Variants in AKR1C8 observed in about 807,000 individuals in gnomAD.
AKR1C8 encodes the protein aldo-keto reductase family 1 member C-like protein 1.
chr10:5,160,003 G>A, the AKR1C8 span: 5 of 456,690 alleles, frequency 1.1e-5, no homozygotes, highest in African/African-American at 2.0e-5. Context: ...ACTTCTCCAG[G>A]GCCTGGGGAG....
chr10:5,122,983 C>T, the AKR1C8 span, among the ~76,000 whole-genome samples: 2 of 152,086 alleles, frequency 1.3e-5, no homozygotes, highest in Non-Finnish European at 2.9e-5. Flanking sequence ...AATCCAACTC[C>T]TCATTTCAGA....
At chr10:5,156,241 C>A in the AKR1C8 span, among the ~76,000 whole-genome samples, 1 of 152,126 alleles carries the variant, frequency 6.6e-6, no homozygotes, top group Non-Finnish European at 1.5e-5. Context: ...TTCTGGACAA[C>A]TGTTCTACTT....
At chr10:5,167,074 C>A in the AKR1C8 span, among the ~76,000 whole-genome samples, 2 of 152,124 alleles carry the variant, frequency 1.3e-5, no homozygotes, top group Non-Finnish European at 2.9e-5. Flanking sequence ...CAAATCAAAC[C>A]CACAATGAGA....
the AKR1C8 span, among the ~76,000 whole-genome samples, chr10:5,162,220 A>T: frequency 6.6e-6 from 1 of 152,210 alleles, no homozygotes; most frequent in Non-Finnish European, 1.5e-5. Flanking sequence ...AGGGGCAGGA[A>T]AATCAACTTC....
At chr10:5,169,679 A>G in the AKR1C8 span, among the ~76,000 whole-genome samples, 1 of 152,014 alleles carries the variant, frequency 6.6e-6, no homozygotes, top group Non-Finnish European at 1.5e-5. Flanking sequence ...TCTATCAGAT[A>G]TTCCATCCTG....
At chr10:5,162,893 T>C in the AKR1C8 span, 1 of 534,712 alleles carries the variant, frequency 1.9e-6, no homozygotes. Context: ...GACGGTACCA[T>C]CAGCGATCTT....
the AKR1C8 span, among the ~76,000 whole-genome samples, chr10:5,173,558 C>G: frequency 6.6e-6 from 1 of 151,600 alleles, no homozygotes; most frequent in Non-Finnish European, 1.5e-5. Flanking sequence ...TAACTATAAA[C>G]AAATAGTGGT....
At chr10:5,148,685 A>G in the AKR1C8 span, among the ~76,000 whole-genome samples, 2 of 152,176 alleles carry the variant, frequency 1.3e-5, no homozygotes, top group African/African-American at 2.4e-5. Context: ...CGCTCAATAA[A>G]TCTACATTTT....
the AKR1C8 span, chr10:5,132,627 C>T: frequency 1.9e-6 from 3 of 1,587,874 alleles, no homozygotes; most frequent in Admixed American, 3.4e-5. Flanking sequence ...TATGTCTTCT[C>T]TCTTCACACT....
chr10:5,147,900 T>C, the AKR1C8 span, among the ~76,000 whole-genome samples: 1 of 152,206 alleles, frequency 6.6e-6, no homozygotes, highest in African/African-American at 2.4e-5. Context: ...ATCCCACATT[T>C]CTGCTTATCA....
At chr10:5,165,710 T>C in the AKR1C8 span, among the ~76,000 whole-genome samples, 9 of 152,168 alleles carry the variant, frequency 5.9e-5, no homozygotes, top group Non-Finnish European at 1.3e-4. Flanking sequence ...TCTCATTCTC[T>C]AGAAATTCAA....
chr10:5,168,959 G>A, the AKR1C8 span, among the ~76,000 whole-genome samples: 1 of 152,124 alleles, frequency 6.6e-6, no homozygotes, highest in African/African-American at 2.4e-5. Context: ...CAGCCTTTAT[G>A]GAAAGGCTGA....
chr10:5,165,605 A>G, the AKR1C8 span, among the ~76,000 whole-genome samples: 2 of 152,180 alleles, frequency 1.3e-5, no homozygotes, highest in South Asian at 4.1e-4. Context: ...GAGGACAGCC[A>G]TTCAATCCTC....
the AKR1C8 span, among the ~76,000 whole-genome samples, chr10:5,127,554 A>G: frequency 1.3e-5 from 2 of 151,902 alleles, no homozygotes; most frequent in African/African-American, 2.4e-5. Context: ...CCCAGTCTCT[A>G]CTAAAAATAT....
chr10:5,145,456 G>C, the AKR1C8 span, among the ~76,000 whole-genome samples: 1 of 152,048 alleles, frequency 6.6e-6, no homozygotes, highest in Non-Finnish European at 1.5e-5. Flanking sequence ...ATCTGATAAA[G>C]GGCTAATATC....
chr10:5,131,049 T>A, the AKR1C8 span, among the ~76,000 whole-genome samples: 1 of 152,026 alleles, frequency 6.6e-6, no homozygotes, highest in Admixed American at 6.6e-5. Context: ...CAAATACTGA[T>A]CTTTGATAAA....
the AKR1C8 span, among the ~76,000 whole-genome samples, chr10:5,172,253 C>A: frequency 6.6e-6 from 1 of 152,014 alleles, no homozygotes; most frequent in African/African-American, 2.4e-5. Context: ...TTTTCCATGA[C>A]CTTCACAGTC....
At chr10:5,174,025 ATC>A in the AKR1C8 span, among the ~76,000 whole-genome samples, 2,863 of 152,110 alleles carry the variant, frequency 0.019, 85 homozygotes, top group African/African-American at 0.065. Context: ...TTTGAGAGAA[ATC>A]TCTGTTTTCC....
the AKR1C8 span, among the ~76,000 whole-genome samples, chr10:5,125,706 C>T: frequency 6.6e-6 from 1 of 152,158 alleles, no homozygotes; most frequent in African/African-American, 2.4e-5. Flanking sequence ...TTGAGAAAGC[C>T]AACACAAAAT....
Sources: allele counts gnomAD v4.1 joint callset (sites outside exome capture counted in the v4.1 genomes callset), GRCh38; gene constraint gnomAD v4.1.1; transcripts MANE v1.5; gene names NCBI Gene and HGNC (gene_info 2026-07-23, HGNC 2026-07-21).